Variants in WNK1 observed in about 807,000 individuals in gnomAD.
WNK1 encodes the protein serine/threonine-protein kinase WNK1.
In WNK1, 38 loss-of-function variants were observed where a neutral mutation model predicts 222.8. That is an observed-to-expected ratio of 0.17 (90% CI 0.13 to 0.22). The LOEUF is 0.22. Among genes scored for constraint, WNK1 ranks in the 10% least tolerant of loss-of-function variants. WNK1 has a pLI of 1.00. For missense variants in WNK1, 2,348 were observed against 2,918.4 expected (o/e 0.80, Z 4.50); for synonymous variants, 1,090 against 1,092.9 (o/e 1.00, Z 0.05).
rs577465613 is a variant in WNK1, at chr12:843,952, G to A, written c.1312-13209G>A. ...ATTTGGTTAATTAAATAAAAAGTAG[G>A]CTATATAGTATAATACCAAAATGTT... On this transcript the variant is annotated intron_variant, in intron 4 of 27. Transcript: ENST00000315939. 1.1e-4 allele frequency among the ~76,000 whole-genome samples: 17 copies of A among 152,150 alleles called. No individual in the cohort carries two copies. The South Asian group carries it at 2.5e-3, about 22-fold the overall frequency.
At chr12:893,750 G>A (rs1161101015) in intron 22 of WNK1, among the ~76,000 whole-genome samples, 1 of 151,078 alleles carries the variant, frequency 6.6e-6, no homozygotes. Context: ...ATGAACCTGG[G>A]AGGTGTAGCT....
At chr12:886,252 A>G (rs1953639268) in intron 19 of WNK1, among the ~76,000 whole-genome samples, 168 bp downstream of exon 19, 1 of 152,138 alleles carries the variant, frequency 6.6e-6, no homozygotes, top group Non-Finnish European at 1.5e-5. Context: ...TACAATGAAC[A>G]TGAGATTTTT....
At chr12:904,678 C>A (rs1187463968) in intron 26 of WNK1, among the ~76,000 whole-genome samples, 1 of 152,132 alleles carries the variant, frequency 6.6e-6, no homozygotes, top group Non-Finnish European at 1.5e-5. Context: ...TCAGTGATAA[C>A]CCCATGTGAG....
intron 26 of WNK1, 29 bp from the exon 27 acceptor site, chr12:907,818 T>C: frequency 6.2e-7 from 1 of 1,612,466 alleles, no homozygotes; most frequent in Non-Finnish European, 8.5e-7. Context: ...AGGCTTCTTT[T>C]AATGCTCGTA....
Position 885,720 on chromosome 12 carries a change from A to G in WNK1, c.4916A>G (p.Asp1639Gly), listed in dbSNP as rs1295562532. ...NQPHTHCPEV[D>G]SDTQPKAPGI... ...CCCCATACTCATTGTCCTGAAGTAG[A>G]TTCTGATACACAACCCAAAGCTCCT... The change falls in exon 19 of 28, where the codon GAT becomes GGT. Residue 1639 changes from aspartate to glycine, a missense_variant. This residue lies in a region of WNK1 where 1,144 missense variants were observed against 1,273.6 expected (regional missense o/e 0.90). Coordinates refer to ENST00000315939, the MANE Select transcript of WNK1 (RefSeq NM_018979.4). 1 of 1,614,092 alleles carries G rather than the reference A, an allele frequency of 6.2e-7. No individual in the cohort carries two copies. The highest frequency in any genetic ancestry group is 1.3e-5 in the African/African-American group (1 of 74,926).
intron 1 of WNK1, among the ~76,000 whole-genome samples, chr12:805,688 T>C (rs1354759970): frequency 6.6e-6 from 1 of 152,170 alleles, no homozygotes; most frequent in Non-Finnish European, 1.5e-5. Flanking sequence ...GAAAGTTTGC[T>C]GACATTAGGA....
At chr12:887,371 C>G in intron 20 of WNK1, 67 bp downstream of exon 20, 1 of 1,513,906 alleles carries the variant, frequency 6.6e-7, no homozygotes, top group Non-Finnish European at 9.2e-7. Context: ...CTGAAGTTCT[C>G]CACTACGTGG....
At chr12:835,635 TAA>T (rs879538540) in intron 4 of WNK1, among the ~76,000 whole-genome samples, 2 of 146,166 alleles carry the variant, frequency 1.4e-5, no homozygotes, top group Admixed American at 6.8e-5. Flanking sequence ...TCAGTTTTGT[TAA>T]AAAAAAAAAA....
In WNK1 at chr12:908,006, G is replaced by A. The variant is rs757911845; in HGVS notation, c.6803G>A (p.Arg2268Lys). 1 of 1,614,194 alleles carries A rather than the reference G, an allele frequency of 6.2e-7. No individual in the cohort carries two copies. The highest frequency in any genetic ancestry group is 1.1e-5 in the South Asian group (1 of 91,082). ...GATGCCATGAATCTCTCAGGCAGGA[G>A]AGGAAGCAAAGGGCACATGAATTAC... is the stretch of plus-strand genomic sequence containing the variant. Reference protein sequence around the residue: ...ARDAMNLSGRRGSKGHMNYEG... With the variant: ...ARDAMNLSGRKGSKGHMNYEG... Residue 2268 changes from arginine (R) to lysine (K), a missense_variant, in exon 27 of 28, where the codon AGA becomes AAA. Physicochemically the swap from Arg to Lys is conservative, Grantham distance 26. Around this residue, in one of 13 missense-constraint regions of WNK1, gnomAD observed 55 missense variants for 104.1 expected, o/e 0.53. Coordinates refer to ENST00000315939, the MANE Select transcript of WNK1 (RefSeq NM_018979.4).
chr12:760,294 G>A (rs999571911), intron 1 of WNK1, among the ~76,000 whole-genome samples: 2 of 147,240 alleles, frequency 1.4e-5, no homozygotes, highest in African/African-American at 4.9e-5. Context: ...TATATATTTT[G>A]TCTAATCCAT....
At position 884,291 on chromosome 12, in the gene WNK1, C is replaced by G; in HGVS notation, c.3844+48C>G. Reference sequence around the variant, plus strand: ...TTGTTATGTAAATTCTACAGTGCCTCTGCTATGTTGAAAGCTTAATCATAA... The same window carrying G: ...TTGTTATGTAAATTCTACAGTGCCTGTGCTATGTTGAAAGCTTAATCATAA... On this transcript the variant is annotated intron_variant, in intron 18 of 27. Coordinates refer to ENST00000315939, the MANE Select transcript of WNK1 (RefSeq NM_018979.4). The surrounding 1 kb of genome is among the most constrained non-coding windows in gnomAD (Gnocchi z 5.6). 6.2e-7 allele frequency: 1 copy of G among 1,612,142 alleles called. No homozygotes were observed. Among genetic ancestry groups the G allele is most frequent in the Non-Finnish European group, 8.5e-7 (1 of 1,178,752 alleles).
chr12:792,645 C>T (rs978955571), intron 1 of WNK1, among the ~76,000 whole-genome samples: 2 of 152,068 alleles, frequency 1.3e-5, no homozygotes, highest in Admixed American at 1.3e-4. Context: ...AAAAAGCTTA[C>T]AATGAGGAAT....
chr12:778,696 T>C (rs891706496), intron 1 of WNK1, among the ~76,000 whole-genome samples: 3 of 151,852 alleles, frequency 2.0e-5, no homozygotes, highest in Non-Finnish European at 4.4e-5. Flanking sequence ...TCTATCGTGC[T>C]AACATTCATT....
At chr12:855,053 C>A (rs114889159) in intron 4 of WNK1, among the ~76,000 whole-genome samples, 165 of 152,300 alleles carry the variant, frequency 1.1e-3, no homozygotes, top group African/African-American at 3.9e-3. Flanking sequence ...CAGTTTTTTA[C>A]TATCAGAGAA....
intron 20 of WNK1, among the ~76,000 whole-genome samples, chr12:888,137 T>C (rs1210746199): frequency 6.6e-6 from 1 of 152,240 alleles, no homozygotes; most frequent in African/African-American, 2.4e-5. Context: ...TAGGAATTTA[T>C]TTTTGAATCA....
intron 4 of WNK1, among the ~76,000 whole-genome samples, chr12:838,989 C>T (rs1949413439): frequency 6.6e-6 from 1 of 152,086 alleles, no homozygotes; most frequent in African/African-American, 2.4e-5. Context: ...ATGTCAAACA[C>T]AGTCCCTGTC....
At position 900,749 on chromosome 12, in the gene WNK1, G is replaced by C. The variant is rs72650770; in HGVS notation, c.6643+79G>C. 2,371 of 1,565,842 alleles carry C rather than the reference G, an allele frequency of 1.5e-3. 32 individuals carry two copies. In the African/African-American group the frequency reaches 0.027, roughly 18 times the overall value. On this transcript the variant is annotated intron_variant, in intron 26 of 27. Transcript: ENST00000315939. Reference sequence around the variant, plus strand: ...CCTGGGACAAAAGCCTGTTAAGGCGGGTTGGGAGACTAGCTGACCAGAACA... The same window carrying C: ...CCTGGGACAAAAGCCTGTTAAGGCGCGTTGGGAGACTAGCTGACCAGAACA...
At chr12:766,403 A>C (rs1941698322) in intron 1 of WNK1, among the ~76,000 whole-genome samples, 1 of 152,202 alleles carries the variant, frequency 6.6e-6, no homozygotes, top group Non-Finnish European at 1.5e-5. Context: ...TTAAAAGTTG[A>C]AACATTGAAC....
chr12:772,164 G>C (rs991278784), intron 1 of WNK1, among the ~76,000 whole-genome samples: 3 of 152,092 alleles, frequency 2.0e-5, no homozygotes, highest in Non-Finnish European at 4.4e-5. Context: ...GAAATTAGAG[G>C]AGGAAAAAGG....
Sources: allele counts gnomAD v4.1 joint callset (sites outside exome capture counted in the v4.1 genomes callset), GRCh38; gene constraint gnomAD v4.1.1; regional missense constraint gnomAD v4.1.1; non-coding constraint Gnocchi (gnomAD v3.1); transcripts MANE v1.5; gene names NCBI Gene and HGNC (gene_info 2026-07-23, HGNC 2026-07-21).